The following LRRC3 variants were observed in gnomAD, a reference collection of about 807,000 sequenced individuals.
The protein encoded by LRRC3 is leucine-rich repeat-containing protein 3.
For missense variants in LRRC3, 351 were observed against 361.6 expected (o/e 0.97, Z 0.24); for synonymous variants, 172 against 164.1 (o/e 1.05, Z -0.37).
rs2051732947 is a variant in LRRC3, at chr21:44,459,922, G to T, written c.*2504G>T. ...CACCGGAGGCCCTGTCCCCTGCACT[G>T]TGAGCTCAGTCAGGTCCATGAGCTG... On this transcript the variant is annotated 3_prime_UTR_variant, in exon 2 of 2. Coordinates refer to ENST00000291592, the MANE Select transcript of LRRC3 (RefSeq NM_030891.6). The T allele has an allele frequency of 6.6e-6, 1 of 152,276 alleles. No individual in the cohort carries two copies. The highest frequency in any genetic ancestry group is 1.5e-5 in the Non-Finnish European group (1 of 68,140). The allele number at this position is 152,276 out of a possible 1,614,324, so 9.4% of individuals were successfully genotyped here.
In LRRC3 at chr21:44,456,980, C is replaced by G; in HGVS notation, c.336C>G (p.Ala112=). ...GCTCCGCCACCTTCGCGGGCCTGGC[C>G]GGGGGCCTGCGGCTGCTGGACCTGT... ...AIGSATFAGL[A]GGLRLLDLSY... The change falls in exon 2 of 2, where the codon GCC becomes GCG. Residue 112 remains alanine (A), a synonymous_variant. Coordinates refer to ENST00000291592, the MANE Select transcript of LRRC3 (RefSeq NM_030891.6). 4 of 1,606,908 alleles carry G rather than the reference C, an allele frequency of 2.5e-6. No individual in the cohort carries two copies. Among genetic ancestry groups the G allele is most frequent in the Non-Finnish European group, 2.5e-6 (3 of 1,179,860 alleles).
Position 44,456,801 on chromosome 21 carries a change from C to T in LRRC3, c.157C>T (p.Arg53Trp), listed in dbSNP as rs779719843. 1.4e-5 allele frequency: 23 copies of T among 1,611,652 alleles called. No individual in the cohort carries two copies. In the Middle Eastern group the frequency reaches 5.0e-4, roughly 35 times the overall value. Residue 53 changes from arginine to tryptophan, a missense_variant, in exon 2 of 2, where the codon CGG (arginine) becomes TGG (tryptophan). Physicochemically the swap from Arg to Trp is moderately radical, Grantham distance 101. Transcript: ENST00000291592. ...AGAVAVFCSL[R>W]GLQEVPEDIP... ...GGCTGTGGCTGTCTTCTGCAGCTTGCGGGGCCTTCAGGAGGTCCCCGAGGA... is the reference window on the plus strand; with the variant it reads ...GGCTGTGGCTGTCTTCTGCAGCTTGTGGGGCCTTCAGGAGGTCCCCGAGGA...
chr21:44,457,594 G>A lies in LRRC3; in HGVS notation c.*176G>A, dbSNP rs147881682. The A allele has an allele frequency of 8.6e-4, 561 of 654,468 alleles. No individual in the cohort carries two copies. The highest frequency in any genetic ancestry group is 2.4e-3 in the East Asian group (82 of 34,292). The allele number at this position is 654,468 out of a possible 1,614,324, so 40.5% of individuals were successfully genotyped here. The stretch of plus-strand genomic sequence containing the variant: ...TGGTTTTGCCACACATCCGTGTGAC[G>A]GATGAGGAACCTGAAGCTTAGAGGA... On this transcript the variant is annotated 3_prime_UTR_variant, in exon 2 of 2. Coordinates refer to ENST00000291592, the MANE Select transcript of LRRC3 (RefSeq NM_030891.6).
rs2051691312 is a variant in LRRC3 at position 44,455,562 on chromosome 21, G to A, written c.-241G>A. 6.6e-6 allele frequency: 1 copy of A among 151,706 alleles called. No individual in the cohort carries two copies. Among genetic ancestry groups the A allele is most frequent in the Non-Finnish European group, 1.5e-5 (1 of 67,842 alleles). The allele number at this position is 151,706 out of a possible 1,614,324, so 9.4% of individuals were successfully genotyped here. ...CGCGGGCGCGGTCGCAGGGGCAGCGGGGTGGCCGCCGCGCCAGGCGTGGAG... is the reference window on the plus strand; with the variant it reads ...CGCGGGCGCGGTCGCAGGGGCAGCGAGGTGGCCGCCGCGCCAGGCGTGGAG... On this transcript the variant is annotated 5_prime_UTR_variant, in exon 1 of 2. Coordinates refer to ENST00000291592, the MANE Select transcript of LRRC3 (RefSeq NM_030891.6).
At position 44,456,692 on chromosome 21, in the gene LRRC3, C is replaced by T. The variant is rs2051703111; in HGVS notation, c.48C>T (p.Thr16=). ...PPRPSLLLVS[T]RESCLFLLFC... ...GCCCCTCGCTCCTGCTGGTCTCCACCCGGGAGTCTTGTCTCTTCCTCCTCT... is the reference window on the plus strand; with the variant it reads ...GCCCCTCGCTCCTGCTGGTCTCCACTCGGGAGTCTTGTCTCTTCCTCCTCT... The change falls in exon 2 of 2, where the codon ACC becomes ACT. Residue 16 remains threonine, a synonymous_variant. Coordinates refer to ENST00000291592, the MANE Select transcript of LRRC3 (RefSeq NM_030891.6). 6.2e-7 allele frequency: 1 copy of T among 1,608,852 alleles called. No individual in the cohort carries two copies. Among genetic ancestry groups the T allele is most frequent in the African/African-American group, 1.3e-5 (1 of 74,916 alleles).
Position 44,456,800 on chromosome 21 carries a change from G to T in LRRC3, c.156G>T (p.Leu52Phe). ...GGGCTGTGGCTGTCTTCTGCAGCTT[G>T]CGGGGCCTTCAGGAGGTCCCCGAGG... ...HAGAVAVFCS[L>F]RGLQEVPEDI... Residue 52 changes from leucine to phenylalanine, a missense_variant, in exon 2 of 2, where the codon TTG (leucine) becomes TTT (phenylalanine). Leu to Phe is a conservative substitution (Grantham distance 22). Transcript: ENST00000291592. The T allele has an allele frequency of 6.2e-7, 1 of 1,611,770 alleles. No homozygotes were observed. The highest frequency in any genetic ancestry group is 8.5e-7 in the Non-Finnish European group (1 of 1,179,850).
Position 44,461,771 on chromosome 21 carries a change from A to T in LRRC3, c.*4353A>T, listed in dbSNP as rs549237564. 6.6e-6 allele frequency: 1 copy of T among 152,524 alleles called. No individual in the cohort carries two copies. Among genetic ancestry groups the T allele is most frequent in the East Asian group, 1.9e-4 (1 of 5,184 alleles). 9.4% of individuals were successfully genotyped at this position (152,524 alleles called of 1,614,324 possible). ...CGGGTGTCTGCAAAATGCAGAGGTC[A>T]CCAGAGCCAAGGCAGCAAGGCAAGG... On this transcript the variant is annotated 3_prime_UTR_variant, in exon 2 of 2. Coordinates refer to ENST00000291592, the MANE Select transcript of LRRC3 (RefSeq NM_030891.6).
rs1355899768 is a variant in LRRC3 at position 44,458,601 on chromosome 21, T to C, written c.*1183T>C. 1 of 167,122 alleles carries C rather than the reference T, an allele frequency of 6.0e-6. No individual in the cohort carries two copies. Among genetic ancestry groups the C allele is most frequent in the East Asian group, 1.9e-4 (1 of 5,206 alleles). 10.4% of individuals were successfully genotyped at this position (167,122 alleles called of 1,614,324 possible). ...GCAACAGGAACTCTCTCTTTTCACC[T>C]TTGCTGCCAGGAATCTCAGAGATAA... On this transcript the variant is annotated 3_prime_UTR_variant, in exon 2 of 2. Coordinates refer to ENST00000291592, the MANE Select transcript of LRRC3 (RefSeq NM_030891.6).
rs2051736778 is a variant in LRRC3 at position 44,460,456 on chromosome 21, T to A, written c.*3038T>A. The A allele has an allele frequency of 2.0e-5, 3 of 152,508 alleles. No homozygotes were observed. Among genetic ancestry groups the A allele is most frequent in the Admixed American group, 2.0e-4 (3 of 15,288 alleles). The allele number at this position is 152,508 out of a possible 1,614,324, so 9.4% of individuals were successfully genotyped here. On this transcript the variant is annotated 3_prime_UTR_variant, in exon 2 of 2. Transcript: ENST00000291592. The stretch of plus-strand genomic sequence containing the variant: ...GAGTTTCCCACATCTGCAGAGGCCG[T>A]GGGCTCAGCCCCACACCAGCCAGGC...
Position 44,456,693 on chromosome 21 carries a change from CGGGAG to C in LRRC3, c.50_54del (p.Arg17LeufsTer23). On this transcript the variant is annotated frameshift_variant, in exon 2 of 2. Coordinates refer to ENST00000291592, the MANE Select transcript of LRRC3 (RefSeq NM_030891.6). LOFTEE classifies it low-confidence loss of function (END_TRUNC). ...CCCCTCGCTCCTGCTGGTCTCCACC[CGGGAG>C]TCTTGTCTCTTCCTCCTCTTCTGCC... 2 of 1,608,886 alleles carry C rather than the reference CGGGAG, an allele frequency of 1.2e-6. No individual in the cohort carries two copies. Among genetic ancestry groups the C allele is most frequent in the South Asian group, 2.2e-5 (2 of 90,982 alleles).
In LRRC3 at chr21:44,457,421, C is replaced by T. The variant is rs2051715650; in HGVS notation, c.*3C>T. 2 of 1,560,990 alleles carry T rather than the reference C, an allele frequency of 1.3e-6. No individual in the cohort carries two copies. Among genetic ancestry groups the T allele is most frequent in the Non-Finnish European group, 8.7e-7 (1 of 1,149,570 alleles). On this transcript the variant is annotated 3_prime_UTR_variant, in exon 2 of 2. Coordinates refer to ENST00000291592, the MANE Select transcript of LRRC3 (RefSeq NM_030891.6). Reference sequence around the variant, plus strand: ...ACCCCATCGGCCCGGGGCCCTAGCGCCTGTTCCGGCAGACCCCCGCCGGTG... The same window carrying T: ...ACCCCATCGGCCCGGGGCCCTAGCGTCTGTTCCGGCAGACCCCCGCCGGTG...
At position 44,460,054 on chromosome 21, in the gene LRRC3, CCTT is replaced by C. The variant is rs1012094153; in HGVS notation, c.*2638_*2640del. ...CCCAACACTGTGGGACCCCAAAGCT[CCTT>C]CATGCTCACTGGAGCTCCCACCGTG... On this transcript the variant is annotated 3_prime_UTR_variant, in exon 2 of 2. Coordinates refer to ENST00000291592, the MANE Select transcript of LRRC3 (RefSeq NM_030891.6). The C allele has an allele frequency of 2.6e-5, 4 of 152,382 alleles. No homozygotes were observed. Among genetic ancestry groups the C allele is most frequent in the African/African-American group, 9.7e-5 (4 of 41,424 alleles). 9.4% of individuals were successfully genotyped at this position (152,382 alleles called of 1,614,324 possible). A position where few individuals can be genotyped will look rare whatever the true frequency, so the allele number is the denominator to read the frequency against.
Position 44,456,749 on chromosome 21 carries a change from G to C in LRRC3, c.105G>C (p.Gln35His). 1 of 1,610,054 alleles carries C rather than the reference G, an allele frequency of 6.2e-7. No homozygotes were observed. Among genetic ancestry groups the C allele is most frequent in the Non-Finnish European group, 8.5e-7 (1 of 1,179,874 alleles). ...FCLHLGAACP[Q>H]PCRCPDHAGA... is the part of the protein sequence containing the mutation. ...TGCACCTGGGCGCCGCCTGCCCACA[G>C]CCCTGCCGGTGCCCTGACCACGCAG... Residue 35 changes from glutamine (Q) to histidine (H), a missense_variant, in exon 2 of 2, where the codon CAG becomes CAC. Physicochemically the swap from Gln to His is conservative, Grantham distance 24 (BLOSUM62 0). Transcript: ENST00000291592.
rs2051738455 is a variant in LRRC3 at position 44,460,651 on chromosome 21, G to T, written c.*3233G>T. On this transcript the variant is annotated 3_prime_UTR_variant, in exon 2 of 2. Coordinates refer to ENST00000291592, the MANE Select transcript of LRRC3 (RefSeq NM_030891.6). Reference sequence around the variant, plus strand: ...GAGCCAGAATCTTCCAGCCAGACTGGATGGGCAGGGCTTAGCTTCCTGATG... The same window carrying T: ...GAGCCAGAATCTTCCAGCCAGACTGTATGGGCAGGGCTTAGCTTCCTGATG... 1 of 152,114 alleles carries T rather than the reference G, an allele frequency of 6.6e-6. No individual in the cohort carries two copies. The highest frequency in any genetic ancestry group is 2.4e-5 in the African/African-American group (1 of 41,366). 9.4% of individuals were successfully genotyped at this position (152,114 alleles called of 1,614,324 possible).
In LRRC3 at chr21:44,456,694, G is replaced by A. The variant is rs757272139; in HGVS notation, c.50G>A (p.Arg17Gln). ...PRPSLLLVSTRESCLFLLFCL... is the reference protein window; with the variant it reads ...PRPSLLLVSTQESCLFLLFCL... Reference sequence around the variant, plus strand: ...CCCTCGCTCCTGCTGGTCTCCACCCGGGAGTCTTGTCTCTTCCTCCTCTTC... The same window carrying A: ...CCCTCGCTCCTGCTGGTCTCCACCCAGGAGTCTTGTCTCTTCCTCCTCTTC... The change falls in exon 2 of 2, where the codon CGG (arginine) becomes CAG (glutamine). Residue 17 changes from arginine (R) to glutamine (Q), a missense_variant. By Grantham distance (43) the Arg-to-Gln change is conservative (BLOSUM62 1). Transcript: ENST00000291592. 1.6e-5 allele frequency: 25 copies of A among 1,608,786 alleles called. No individual in the cohort carries two copies. The highest frequency in any genetic ancestry group is 1.8e-5 in the Non-Finnish European group (21 of 1,179,210).
Position 44,456,907 on chromosome 21 carries a change from A to G in LRRC3, c.263A>G (p.His88Arg), listed in dbSNP as rs771328846. The change falls in exon 2 of 2, where the codon CAC (histidine) becomes CGC (arginine). Residue 88 changes from histidine (H) to arginine (R), a missense_variant. By Grantham distance (29) the His-to-Arg change is conservative. Transcript: ENST00000291592. ...CCGGACGGGGCCTTCCAGCACCTGC[A>G]CCGGCTCAGGGAGCTGGATCTGTCT... ...HLPDGAFQHL[H>R]RLRELDLSHN... is the part of the protein sequence containing the mutation. 1 of 1,611,086 alleles carries G rather than the reference A, an allele frequency of 6.2e-7. No individual in the cohort carries two copies. The highest frequency in any genetic ancestry group is 1.7e-5 in the Admixed American group (1 of 59,984).
In LRRC3 at chr21:44,457,538, C is replaced by G; in HGVS notation, c.*120C>G. On this transcript the variant is annotated 3_prime_UTR_variant, in exon 2 of 2. Transcript: ENST00000291592. The stretch of plus-strand genomic sequence containing the variant: ...CAGCCATGTGTGCTCCCCACTGTTG[C>G]ACTCAGGCACAGCAGCACCTCCAGG... 2.6e-6 allele frequency: 3 copies of G among 1,145,330 alleles called. No homozygotes were observed. The highest frequency in any genetic ancestry group is 3.7e-6 in the Non-Finnish European group (3 of 820,876). The allele number at this position is 1,145,330 out of a possible 1,614,324, so 70.9% of individuals were successfully genotyped here. A position where few individuals can be genotyped will look rare whatever the true frequency, so the allele number is the denominator to read the frequency against.
rs1199637420 is a variant in LRRC3 at position 44,457,453 on chromosome 21, G to C, written c.*35G>C. The stretch of plus-strand genomic sequence containing the variant: ...CGGCAGACCCCCGCCGGTGGCTGCT[G>C]TCACTTTTGTAGTAGGTGGTGACTG... On this transcript the variant is annotated 3_prime_UTR_variant, in exon 2 of 2. Coordinates refer to ENST00000291592, the MANE Select transcript of LRRC3 (RefSeq NM_030891.6). 1 of 1,539,252 alleles carries C rather than the reference G, an allele frequency of 6.5e-7. No homozygotes were observed. The highest frequency in any genetic ancestry group is 8.8e-7 in the Non-Finnish European group (1 of 1,141,590).
Position 44,457,408 on chromosome 21 carries a change from C to A in LRRC3, c.764C>A (p.Pro255Gln), listed in dbSNP as rs186514061. The A allele has an allele frequency of 4.4e-6, 7 of 1,583,800 alleles. No homozygotes were observed. The highest frequency in any genetic ancestry group is 5.2e-6 in the Non-Finnish European group (6 of 1,160,486). ...CCCGCCTCCAAGGACCCCATCGGCC[C>A]GGGGCCCTAGCGCCTGTTCCGGCAG... The part of the protein sequence containing the change: ...SAPASKDPIG[P>Q]GP The change falls in exon 2 of 2, where the codon CCG (proline) becomes CAG (glutamine). Residue 255 changes from proline (P) to glutamine (Q), a missense_variant. Physicochemically the swap from Pro to Gln is moderately conservative, Grantham distance 76. Transcript: ENST00000291592.
Sources: allele counts gnomAD v4.1 joint callset, GRCh38; gene constraint gnomAD v4.1.1; transcripts MANE v1.5; gene names NCBI Gene and HGNC (gene_info 2026-07-23, HGNC 2026-07-21).